HAGH: variants seen among roughly 807,000 people sequenced by gnomAD.
HAGH encodes hydroxyacylglutathione hydrolase.
Under a neutral mutation model 35.1 loss-of-function variants are expected in HAGH, and 29 were observed. That is an observed-to-expected ratio of 0.83 (90% CI 0.62 to 1.13). HAGH has a LOEUF of 1.13. Among genes scored for constraint, HAGH ranks in the 50% most tolerant of loss-of-function variants. HAGH has a pLI of 0.00. For missense variants in HAGH, 478 were observed against 419.6 expected, an observed-to-expected ratio of 1.14 and a Z score of -1.22; for synonymous variants, 225 against 176.1, an observed-to-expected ratio of 1.28 and a Z score of -2.20.
chr16:1,810,205 G>C (rs949426881), intron 7 of HAGH: 1 of 194,624 alleles, frequency 5.1e-6, no homozygotes, highest in Non-Finnish European at 1.1e-5. Context: ...GACACTGCCC[G>C]ACTGACAAGG....
At chr16:1,824,735 A>G (rs2142053330) in intron 1 of HAGH, among the ~76,000 whole-genome samples, 1 of 152,270 alleles carries the variant, frequency 6.6e-6, no homozygotes, top group African/African-American at 2.4e-5. Flanking sequence ...TGCCCAAACT[A>G]TAGTTTCAAT....
At chr16:1,826,346 G>T (rs981944536) in intron 1 of HAGH, among the ~76,000 whole-genome samples, 8 of 150,256 alleles carry the variant, frequency 5.3e-5, no homozygotes, top group African/African-American at 1.9e-4. Context: ...TGCGGGGTGG[G>T]CCAGGCGTCC....
chr16:1,820,667 C>T (rs1339760235), intron 3 of HAGH, among the ~76,000 whole-genome samples: 1 of 152,174 alleles, frequency 6.6e-6, no homozygotes, highest in African/African-American at 2.4e-5. Context: ...TGAAGGGGCC[C>T]TTCCCGGGTC....
In HAGH at chr16:1,826,721, G is replaced by T; in HGVS notation, c.67C>A (p.Arg23=). ...GCCCCGCCGCACCCACCGAGGCCTC[G>T]GCGGGCGCAGGCGGCTCCCAGCGCG... is the stretch of plus-strand genomic sequence containing the variant. The part of the protein sequence containing the change: ...LAALGAACAR[R]GLGPALLGVF... The change falls in exon 1 of 9, where the codon CGA becomes AGA. Residue 23 remains arginine (R), a synonymous_variant. Transcript: ENST00000397356. The T allele has an allele frequency of 8.8e-7, 1 of 1,141,108 alleles. No homozygotes were observed. The highest frequency in any genetic ancestry group is 4.2e-5 in the South Asian group (1 of 23,670). 70.7% of individuals were successfully genotyped at this position (1,141,108 alleles called of 1,614,324 possible). A position where few individuals can be genotyped will look rare whatever the true frequency, so the allele number is the denominator to read the frequency against.
chr16:1,817,101 G>T, intron 6 of HAGH, 67 bp downstream of exon 6: 1 of 1,343,300 alleles, frequency 7.4e-7, no homozygotes, highest in Non-Finnish European at 1.1e-6. Context: ...GAGGGTGCCA[G>T]GAGGGAGAGC....
At position 1,816,153 on chromosome 16, in the gene HAGH, G is replaced by A. The variant is rs535683078; in HGVS notation, c.747+740C>T. ...CGGGAGGTGCTGGTTGCAGTGAGCCGAGATTACGCCACTGTACTCCAGCCT... is the reference window on the plus strand; with the variant it reads ...CGGGAGGTGCTGGTTGCAGTGAGCCAAGATTACGCCACTGTACTCCAGCCT... On this transcript the variant is annotated intron_variant, in intron 7 of 8. Transcript: ENST00000397356. Among the ~76,000 whole-genome samples the A allele has an allele frequency of 3.5e-5, 5 of 142,752 alleles. No individual in the cohort carries two copies. In the East Asian group the frequency reaches 1.1e-3, roughly 32 times the overall value. 93.7% of individuals were successfully genotyped at this position (142,752 alleles called of 152,430 possible). A position where few individuals can be genotyped will look rare whatever the true frequency, so the allele number is the denominator to read the frequency against.
intron 3 of HAGH, 21 bp from the exon 4 acceptor site, chr16:1,820,035 C>G (rs1339370624): frequency 5.4e-6 from 8 of 1,476,684 alleles, no homozygotes; most frequent in Non-Finnish European, 7.5e-6. Flanking sequence ...AACAGGAGAC[C>G]TGGGCTGCCT....
chr16:1,823,899 C>T (rs1898274452), intron 1 of HAGH, among the ~76,000 whole-genome samples: 1 of 151,974 alleles, frequency 6.6e-6, no homozygotes, highest in Admixed American at 6.6e-5. Context: ...GACAGGAAGG[C>T]CAGCTTGTGA....
At chr16:1,819,618 C>T (rs867170539) in intron 4 of HAGH, among the ~76,000 whole-genome samples, 1 of 152,210 alleles carries the variant, frequency 6.6e-6, no homozygotes, top group Non-Finnish European at 1.5e-5. Flanking sequence ...CTCGCAGGGC[C>T]CTCCCACCTG....
At position 1,826,738 on chromosome 16, in the gene HAGH, C is replaced by T. The variant is rs1438286888; in HGVS notation, c.50G>A (p.Gly17Glu). 58 of 1,183,820 alleles carry T rather than the reference C, an allele frequency of 4.9e-5. 1 individual carries two copies. In the East Asian group the frequency reaches 2.0e-3, roughly 41 times the overall value. 73.3% of individuals were successfully genotyped at this position (1,183,820 alleles called of 1,614,324 possible). A position where few individuals can be genotyped will look rare whatever the true frequency, so the allele number is the denominator to read the frequency against. ...LLGRRSLAAL[G>E]AACARRGLGP... is the part of the protein sequence containing the mutation. The stretch of plus-strand genomic sequence containing the variant: ...GAGGCCTCGGCGGGCGCAGGCGGCT[C>T]CCAGCGCGGCGAGGCTGCGGCGGCC... Residue 17 changes from glycine to glutamate, a missense_variant, in exon 1 of 9, where the codon GGA becomes GAA. Physicochemically the swap from Gly to Glu is moderately conservative, Grantham distance 98. Transcript: ENST00000397356.
chr16:1,812,742 A>T (rs1448083127), intron 7 of HAGH, among the ~76,000 whole-genome samples: 1 of 152,254 alleles, frequency 6.6e-6, no homozygotes. Flanking sequence ...GGACTTCATT[A>T]AAATTAAAAA....
chr16:1,826,895 T>C (rs1199252833), upstream of HAGH: 2 of 721,700 alleles, frequency 2.8e-6, no homozygotes, highest in Admixed American at 3.9e-5. Context: ...CCAATCAGCG[T>C]CCACCTCGCA....
chr16:1,819,066 C>T (rs1329139672), intron 5 of HAGH, 49 bp downstream of exon 5: 1 of 1,166,714 alleles, frequency 8.6e-7, no homozygotes, highest in Non-Finnish European at 1.3e-6. Context: ...GCAGGAGACA[C>T]AGGGTCTTCA....
At chr16:1,809,497 G>T in intron 8 of HAGH, 115 bp from the exon 9 acceptor site, 9 of 806,140 alleles carry the variant, frequency 1.1e-5, no homozygotes, top group Non-Finnish European at 1.8e-5. Flanking sequence ...CAGAGGACAC[G>T]GAGGGCGGGG....
At chr16:1,820,058 GGGCTGCCTGCT>G (rs772215452) in intron 3 of HAGH, 44 bp from the exon 4 acceptor site, 79 of 967,938 alleles carry the variant, frequency 8.2e-5, no homozygotes, top group Non-Finnish European at 1.1e-4. Flanking sequence ...TGAGCTGAGG[GGGCTGCCTGCT>G]GAGCTGAGGG....
chr16:1,816,922 C>T lies in HAGH; in HGVS notation c.718G>A (p.Ala240Thr), dbSNP rs748475046. The T allele has an allele frequency of 5.6e-6, 9 of 1,613,032 alleles. No individual in the cohort carries two copies. The highest frequency in any genetic ancestry group is 2.2e-5 in the East Asian group (1 of 44,876). ...FARHVEPGNA[A>T]IREKLAWAKE... ...GCCCAGGCCAGCTTCTCCCGGATGG[C>T]GGCATTGCCGGGCTCCACGTGGCGT... The change falls in exon 7 of 9, where the codon GCC becomes ACC. Residue 240 changes from alanine to threonine, a missense_variant. Coordinates refer to ENST00000397356, the MANE Select transcript of HAGH (RefSeq NM_005326.6).
In HAGH at chr16:1,809,842, GA is replaced by G; in HGVS notation, c.748-10del. 1 of 1,608,516 alleles carries G rather than the reference GA, an allele frequency of 6.2e-7. No individual in the cohort carries two copies. The highest frequency in any genetic ancestry group is 8.5e-7 in the Non-Finnish European group (1 of 1,174,912). On this transcript the variant is annotated splice_polypyrimidine_tract_variant and intron_variant, in intron 7 of 8. Transcript: ENST00000397356. ...CCGATGCTGTACTTCTCCTGCAAGA[GA>G]AACGCACCACTTTATCACGGGAACT...
chr16:1,821,656 C>G (rs1028017085), intron 3 of HAGH: 1 of 152,168 alleles, frequency 6.6e-6, no homozygotes, highest in Non-Finnish European at 1.5e-5. Flanking sequence ...TTTTTTGAGA[C>G]GGAGTCTCGC....
At chr16:1,819,341 G>A (rs1898045167) in intron 4 of HAGH, 118 bp from the exon 5 acceptor site, 3 of 643,356 alleles carry the variant, frequency 4.7e-6, no homozygotes, top group Non-Finnish European at 8.1e-6. Context: ...AAATGCCCGT[G>A]AAGGTGGGGC....
Sources: gnomAD v4.1 joint callset for allele counts (sites outside exome capture counted in the v4.1 genomes callset) on GRCh38, gnomAD v4.1.1 for gene constraint, MANE v1.5 for transcripts, NCBI Gene and HGNC (gene_info 2026-07-23, HGNC 2026-07-21) for gene names.